Variants in LRRC4C observed in about 807,000 individuals in gnomAD.
LRRC4C encodes leucine rich repeat containing 4C.
LRRC4C carries 5 observed loss-of-function variants against 33.6 expected under a neutral mutation model. The ratio of observed to expected loss-of-function variants is 0.15; its 90% confidence interval spans 0.08 to 0.31. LRRC4C has a LOEUF of 0.31. Among genes scored for constraint, LRRC4C ranks in the 10% least tolerant of loss-of-function variants. The probability of loss-of-function intolerance (pLI) is 1.00; values close to 1 mark genes in which losing one functional copy is unlikely to be tolerated. For synonymous variants in LRRC4C, 329 were observed against 302.0 expected, an observed-to-expected ratio of 1.09 and a Z score of -0.93; for missense variants, 560 against 796.7, an observed-to-expected ratio of 0.70 and a Z score of 3.58.
chr11:41,034,481 A>C (rs1425671798), intron 1 of LRRC4C, among the ~76,000 whole-genome samples: 2 of 146,742 alleles, frequency 1.4e-5, no homozygotes, highest in East Asian at 3.9e-4. Context: ...GTGTGTATAT[A>C]TATATATACA....
chr11:40,488,290 C>G (rs201537722), intron 3 of LRRC4C, among the ~76,000 whole-genome samples: 30 of 151,984 alleles, frequency 2.0e-4, no homozygotes, highest in Admixed American at 1.7e-3. Context: ...TTCCCCCCCC[C>G]ACTTAAAGGA....
intron 3 of LRRC4C, among the ~76,000 whole-genome samples, chr11:40,641,066 C>T (rs986364972): frequency 3.3e-5 from 5 of 149,674 alleles, no homozygotes; most frequent in African/African-American, 1.2e-4. Flanking sequence ...TAAACTTGTG[C>T]ATCTCCAAGC....
At chr11:40,819,763 T>C (rs1392791291) in intron 2 of LRRC4C, among the ~76,000 whole-genome samples, 4 of 151,964 alleles carry the variant, frequency 2.6e-5, no homozygotes, top group Admixed American at 6.6e-5. Flanking sequence ...ATACACTGCA[T>C]CTGCAGAAAA....
chr11:41,152,994 C>T (rs1157981542), intron 1 of LRRC4C, among the ~76,000 whole-genome samples: 1 of 152,138 alleles, frequency 6.6e-6, no homozygotes, highest in Non-Finnish European at 1.5e-5. Context: ...ATGAGCTTCT[C>T]ATGTCTATAT....
intron 3 of LRRC4C, among the ~76,000 whole-genome samples, chr11:40,614,627 T>C (rs1221246977): frequency 6.6e-6 from 1 of 151,800 alleles, no homozygotes; most frequent in Non-Finnish European, 1.5e-5. Context: ...TTTGGCCTAA[T>C]TCAGCTTTTG....
At chr11:41,060,994 C>G (rs951365893) in intron 1 of LRRC4C, among the ~76,000 whole-genome samples, 5 of 152,048 alleles carry the variant, frequency 3.3e-5, no homozygotes, top group African/African-American at 1.2e-4. Flanking sequence ...TTCCCCTCCC[C>G]CCTCCACACA....
At chr11:40,309,292 T>C (rs1258060795) in intron 4 of LRRC4C, among the ~76,000 whole-genome samples, 1 of 152,236 alleles carries the variant, frequency 6.6e-6, no homozygotes, top group Admixed American at 6.5e-5. Flanking sequence ...ATATTTCATA[T>C]AAATGGAATC....
intron 1 of LRRC4C, among the ~76,000 whole-genome samples, chr11:41,008,734 G>C (rs1030059686): frequency 2.6e-5 from 4 of 152,046 alleles, no homozygotes; most frequent in African/African-American, 9.7e-5. Flanking sequence ...CTTGTATTTA[G>C]GATTTGGAGT....
At chr11:40,740,422 G>T (rs1411895141) in intron 2 of LRRC4C, among the ~76,000 whole-genome samples, 1 of 151,748 alleles carries the variant, frequency 6.6e-6, no homozygotes, top group Non-Finnish European at 1.5e-5. Flanking sequence ...TTTTTAATAT[G>T]TCTGCTGGCT....
chr11:40,910,029 C>A (rs182283721), intron 2 of LRRC4C, among the ~76,000 whole-genome samples: 8 of 152,118 alleles, frequency 5.3e-5, no homozygotes, highest in African/African-American at 1.9e-4. Flanking sequence ...ACTTAGGAAT[C>A]ATATTATCTT....
rs190873039 is a variant in LRRC4C at position 40,594,898 on chromosome 11, T to C, written c.-270+53244A>G. On this transcript the variant is annotated intron_variant, in intron 3 of 6. Coordinates refer to ENST00000528697, the MANE Select transcript of LRRC4C (RefSeq NM_001258419.2). ...ATAACTGAGCTTCCCAGAAAACATT[T>C]AGTTTTAATAAACACACACACAAAC... 2.9e-4 allele frequency among the ~76,000 whole-genome samples: 44 copies of C among 152,296 alleles called. No individual in the cohort carries two copies. In the East Asian group the frequency reaches 7.9e-3, roughly 27 times the overall value.
At chr11:40,717,926 T>C (rs928723827) in intron 2 of LRRC4C, among the ~76,000 whole-genome samples, 1 of 152,214 alleles carries the variant, frequency 6.6e-6, no homozygotes, top group African/African-American at 2.4e-5. Flanking sequence ...ACAATTACTC[T>C]GTTTGCTATA....
At chr11:41,191,152 G>T (rs1290079094) in intron 1 of LRRC4C, among the ~76,000 whole-genome samples, 1 of 152,096 alleles carries the variant, frequency 6.6e-6, no homozygotes, top group Non-Finnish European at 1.5e-5. Context: ...ATATTGCTTT[G>T]CATTTGGTCC....
At chr11:41,296,695 A>G (rs1033637581) in intron 1 of LRRC4C, among the ~76,000 whole-genome samples, 2 of 152,150 alleles carry the variant, frequency 1.3e-5, no homozygotes, top group Admixed American at 6.5e-5. Context: ...CTAGCCAAGA[A>G]ACTAAAGAAA....
At chr11:41,106,593 G>A (rs1440713688) in intron 1 of LRRC4C, among the ~76,000 whole-genome samples, 3 of 151,990 alleles carry the variant, frequency 2.0e-5, no homozygotes, top group Admixed American at 1.3e-4. Flanking sequence ...TCATTACGTA[G>A]GGCATACTGC....
At chr11:40,798,605 G>T (rs971092032) in intron 2 of LRRC4C, among the ~76,000 whole-genome samples, 1 of 150,820 alleles carries the variant, frequency 6.6e-6, no homozygotes, top group East Asian at 1.9e-4. Context: ...ATTTCTAGAG[G>T]TTATCAGTAT....
intron 3 of LRRC4C, among the ~76,000 whole-genome samples, chr11:40,502,772 A>G (rs1954841344): frequency 6.6e-6 from 1 of 152,152 alleles, no homozygotes; most frequent in Non-Finnish European, 1.5e-5. Context: ...GATCTATGAC[A>G]TCTTTCACTC....
chr11:40,704,885 T>G (rs35887550), intron 2 of LRRC4C, among the ~76,000 whole-genome samples: 85,837 of 151,878 alleles, frequency 0.57, 24,499 homozygotes, highest in African/African-American at 0.62. Context: ...ATATTGAATT[T>G]AAATTTAATA....
At chr11:40,757,333 T>TGG (rs1949003551) in intron 2 of LRRC4C, among the ~76,000 whole-genome samples, 1 of 152,064 alleles carries the variant, frequency 6.6e-6, no homozygotes, top group Non-Finnish European at 1.5e-5. Flanking sequence ...TGTTATATTA[T>TGG]CCTTATTACA....
Sources: allele counts gnomAD v4.1 joint callset (sites outside exome capture counted in the v4.1 genomes callset), GRCh38; gene constraint gnomAD v4.1.1; transcripts MANE v1.5; gene names NCBI Gene and HGNC (gene_info 2026-07-23, HGNC 2026-07-21).